Variants in ZBTB20 observed in about 807,000 individuals in gnomAD.
ZBTB20 encodes zinc finger and BTB domain containing 20.
ZBTB20 carries 9 observed loss-of-function variants against 56.9 expected under a neutral mutation model. The ratio of observed to expected loss-of-function variants is 0.16; its 90% CI spans 0.10 to 0.28. ZBTB20 has a LOEUF of 0.28. ZBTB20 is among the 10% of genes least tolerant of loss of function. The probability of loss-of-function intolerance (pLI) is 1.00; values close to 1 mark genes in which losing one functional copy is unlikely to be tolerated. For synonymous variants in ZBTB20, 417 were observed against 420.7 expected, an observed-to-expected ratio of 0.99 and a Z score of 0.11; for missense variants, 655 against 1,003.0, an observed-to-expected ratio of 0.65 and a Z score of 4.69.
chr3:115,096,526 GC>G (rs1339791957), intron 1 of ZBTB20, among the ~76,000 whole-genome samples: 1 of 152,100 alleles, frequency 6.6e-6, no homozygotes, highest in South Asian at 2.1e-4. Context: ...GACTTCAGAG[GC>G]CACCCTTGAG....
At chr3:114,712,175 G>A (rs2064128751) in intron 5 of ZBTB20, among the ~76,000 whole-genome samples, 1 of 152,078 alleles carries the variant, frequency 6.6e-6, no homozygotes, top group Non-Finnish European at 1.5e-5. Flanking sequence ...TATAAGACTT[G>A]AGCTCTAAAT....
intron 6 of ZBTB20, among the ~76,000 whole-genome samples, chr3:114,565,245 G>A (rs781436807): frequency 3.3e-5 from 5 of 152,158 alleles, no homozygotes; most frequent in African/African-American, 7.2e-5. Flanking sequence ...TGATCAAGAC[G>A]GTGAAATACA....
At chr3:114,991,316 C>T (rs1398234793) in intron 2 of ZBTB20, among the ~76,000 whole-genome samples, 1 of 152,066 alleles carries the variant, frequency 6.6e-6, no homozygotes, top group Non-Finnish European at 1.5e-5. Flanking sequence ...TCTTTGTTCT[C>T]ATTGGTTTCA....
intron 2 of ZBTB20, among the ~76,000 whole-genome samples, chr3:115,033,589 A>G (rs2080793595): frequency 6.6e-6 from 1 of 151,740 alleles, no homozygotes; most frequent in African/African-American, 2.4e-5. Flanking sequence ...TTGTTGCAGC[A>G]CTGTTTACAA....
At chr3:114,754,467 A>G (rs911109334) in intron 5 of ZBTB20, among the ~76,000 whole-genome samples, 5 of 152,164 alleles carry the variant, frequency 3.3e-5, no homozygotes, top group African/African-American at 7.2e-5. Flanking sequence ...AAATTGTAGT[A>G]GGGTCCTATT....
intron 10 of ZBTB20, among the ~76,000 whole-genome samples, chr3:114,366,241 T>G (rs1234268988): frequency 6.6e-6 from 1 of 152,228 alleles, no homozygotes; most frequent in Non-Finnish European, 1.5e-5. Flanking sequence ...GTATTTCTTC[T>G]GAATCTTTCT....
chr3:115,016,489 A>G (rs1331599416), intron 2 of ZBTB20, among the ~76,000 whole-genome samples: 3 of 151,902 alleles, frequency 2.0e-5, no homozygotes, highest in Admixed American at 6.6e-5. Context: ...TAATTTTTGT[A>G]TAAGGTGTAA....
At chr3:114,438,749 G>A (rs1490084044) in intron 7 of ZBTB20, among the ~76,000 whole-genome samples, 2 of 152,088 alleles carry the variant, frequency 1.3e-5, no homozygotes, top group African/African-American at 2.4e-5. Flanking sequence ...AAAAAAAGTA[G>A]GGCTCCTTAT....
intron 3 of ZBTB20, among the ~76,000 whole-genome samples, chr3:114,906,142 TGACACACA>T (rs1284878555): frequency 6.6e-6 from 1 of 151,834 alleles, no homozygotes; most frequent in Non-Finnish European, 1.5e-5. Flanking sequence ...GTTTAGTGCC[TGACACACA>T]GTCAACACTT....
chr3:114,552,672 C>T (rs2050722235), intron 6 of ZBTB20, among the ~76,000 whole-genome samples: 1 of 152,190 alleles, frequency 6.6e-6, no homozygotes, highest in Admixed American at 6.5e-5. Context: ...AAAGTCTTTG[C>T]TGCAGATGTG....
intron 3 of ZBTB20, among the ~76,000 whole-genome samples, chr3:114,907,358 C>A (rs1484026971): frequency 6.6e-6 from 1 of 151,892 alleles, no homozygotes; most frequent in Non-Finnish European, 1.5e-5. Flanking sequence ...TTTGGTCAAA[C>A]TTATGTCAGC....
intron 6 of ZBTB20, among the ~76,000 whole-genome samples, chr3:114,504,711 AC>A (rs1361036882): frequency 6.6e-6 from 1 of 152,152 alleles, no homozygotes; most frequent in Admixed American, 6.5e-5. Context: ...CCTGGCAGGC[AC>A]CCTTAGTATT....
chr3:115,124,799 A>T lies in ZBTB20; in HGVS notation c.-703+22420T>A, dbSNP rs76596313. Among the ~76,000 whole-genome samples, 984 of 152,266 alleles carry T rather than the reference A, an allele frequency of 6.5e-3. 10 individuals are homozygous for T. Among genetic ancestry groups the T allele is most frequent in the African/African-American group, 0.022 (905 of 41,548 alleles). On this transcript the variant is annotated intron_variant, in intron 1 of 11. Transcript: ENST00000675478. ...TGTTTCTCTATAGAAAATAATTTAA[A>T]CTTTTATGTCTAAATAATATACAAA...
intron 1 of ZBTB20, among the ~76,000 whole-genome samples, chr3:115,099,193 C>T (rs1390639162): frequency 6.6e-6 from 1 of 152,036 alleles, no homozygotes; most frequent in Admixed American, 6.6e-5. Context: ...GAAAGCACCA[C>T]AAAACTGAAT....
At chr3:114,661,217 G>A (rs143051839) in intron 6 of ZBTB20, among the ~76,000 whole-genome samples, 3 of 152,106 alleles carry the variant, frequency 2.0e-5, no homozygotes, top group East Asian at 1.9e-4. Flanking sequence ...GAAAGCTCAC[G>A]AAAATGACCC....
At chr3:115,054,228 T>C (rs2108448101) in intron 2 of ZBTB20, among the ~76,000 whole-genome samples, 1 of 152,254 alleles carries the variant, frequency 6.6e-6, no homozygotes, top group African/African-American at 2.4e-5. Context: ...ATGATCTGTT[T>C]ACAGGGAGCA....
At chr3:115,125,635 T>C (rs1189448593) in intron 1 of ZBTB20, among the ~76,000 whole-genome samples, 1 of 152,160 alleles carries the variant, frequency 6.6e-6, no homozygotes, top group East Asian at 1.9e-4. Context: ...AATGAATAAG[T>C]TCAAGAGATG....
intron 6 of ZBTB20, among the ~76,000 whole-genome samples, chr3:114,561,704 T>A (rs1004028024): frequency 1.3e-5 from 2 of 152,024 alleles, no homozygotes; most frequent in Non-Finnish European, 2.9e-5. Flanking sequence ...GCAGGGTAGA[T>A]TTAACATAAT....
intron 10 of ZBTB20, among the ~76,000 whole-genome samples, chr3:114,378,349 A>T (rs1304357715): frequency 6.6e-6 from 1 of 152,198 alleles, no homozygotes; most frequent in African/African-American, 2.4e-5. Flanking sequence ...TTAATGGCAA[A>T]ATCAAAGTGA....
Sources: allele counts gnomAD v4.1 joint callset (sites outside exome capture counted in the v4.1 genomes callset), GRCh38; gene constraint gnomAD v4.1.1; transcripts MANE v1.5; gene names NCBI Gene and HGNC (gene_info 2026-07-23, HGNC 2026-07-21).